CLIP1: variants seen among roughly 807,000 people sequenced by gnomAD.
CLIP1 encodes CAP-Gly domain-containing linker protein 1.
A neutral mutation model predicts 161.6 loss-of-function variants in CLIP1; 66 were observed. The ratio of observed to expected loss-of-function variants is 0.41; its 90% confidence interval spans 0.33 to 0.50. The LOEUF (loss-of-function observed/expected upper bound fraction) is 0.50, where lower values mean the gene tolerates loss of function less well. Ranked by LOEUF, CLIP1 falls within the 20% of genes least tolerant of loss-of-function variation. CLIP1 has a pLI of 0.27. For synonymous variants in CLIP1, 598 were observed against 626.2 expected, an observed-to-expected ratio of 0.96 and a Z score of 0.67; for missense variants, 1,376 against 1,702.0, an observed-to-expected ratio of 0.81 and a Z score of 3.37.
At chr12:122,339,468 G>C (rs1461412704) in intron 11 of CLIP1, among the ~76,000 whole-genome samples, 1 of 152,074 alleles carries the variant, frequency 6.6e-6, no homozygotes, top group Non-Finnish European at 1.5e-5. Context: ...CTCCTGAGTA[G>C]CTGGGACTAC....
chr12:122,314,299 A>G (rs1173781471), intron 19 of CLIP1, among the ~76,000 whole-genome samples: 1 of 151,428 alleles, frequency 6.6e-6, no homozygotes, highest in East Asian at 1.9e-4. Flanking sequence ...TCAAAAAAAA[A>G]AAAAAAAAAA....
intron 1 of CLIP1, among the ~76,000 whole-genome samples, chr12:122,391,878 T>TTA (rs1162269288): frequency 2.0e-5 from 3 of 152,214 alleles, no homozygotes; most frequent in Non-Finnish European, 4.4e-5. Flanking sequence ...ATCACAAATG[T>TTA]TAGTTGTATC....
chr12:122,279,154 C>T lies in CLIP1; in HGVS notation c.3648-9G>A. On this transcript the variant is annotated splice_polypyrimidine_tract_variant and intron_variant, in intron 21 of 25. Transcript: ENST00000620786. The surrounding 1 kb of genome is among the most constrained non-coding windows in gnomAD (Gnocchi z 4.5). ...TTATGAACTTGGATTCTCTAAAAGA[C>T]CAAAGAGTTAAAAGTTCCACAAATC... The T allele has an allele frequency of 6.3e-7, 1 of 1,587,126 alleles. No individual in the cohort carries two copies. Among genetic ancestry groups the T allele is most frequent in the Non-Finnish European group, 8.6e-7 (1 of 1,161,162 alleles).
intron 1 of CLIP1, among the ~76,000 whole-genome samples, chr12:122,405,839 C>A (rs947768418): frequency 2.0e-5 from 3 of 151,692 alleles, no homozygotes; most frequent in Non-Finnish European, 4.4e-5. Flanking sequence ...GAGGACAAGG[C>A]GAGCGGATCA....
intron 11 of CLIP1, 83 bp downstream of exon 11, chr12:122,340,670 G>A: frequency 8.8e-7 from 1 of 1,141,996 alleles, no homozygotes; most frequent in Non-Finnish European, 1.2e-6. Flanking sequence ...TTTGGAAGAT[G>A]AATGATCTCA....
intron 1 of CLIP1, among the ~76,000 whole-genome samples, chr12:122,411,441 CATGA>C (rs1291183805): frequency 6.6e-6 from 1 of 152,082 alleles, no homozygotes; most frequent in African/African-American, 2.4e-5. Context: ...AAAATTTATA[CATGA>C]ATGCTCACAG....
intron 12 of CLIP1, among the ~76,000 whole-genome samples, chr12:122,336,178 A>G (rs1952206917): frequency 6.6e-6 from 1 of 152,204 alleles, no homozygotes; most frequent in African/African-American, 2.4e-5. Flanking sequence ...GATTTATTTT[A>G]ATTTATTTAA....
intron 5 of CLIP1, among the ~76,000 whole-genome samples, chr12:122,358,029 G>C (rs1387842819): frequency 6.6e-6 from 1 of 152,224 alleles, no homozygotes; most frequent in Non-Finnish European, 1.5e-5. Flanking sequence ...TTGAGAAATC[G>C]AATGGTTGCC....
chr12:122,294,787 C>T (rs1950406015), intron 20 of CLIP1, among the ~76,000 whole-genome samples: 3 of 151,182 alleles, frequency 2.0e-5, no homozygotes, highest in African/African-American at 7.3e-5. Flanking sequence ...CAGTGCCTCA[C>T]GTCTGTAATC....
At chr12:122,417,400 A>G (rs1236815403) in intron 1 of CLIP1, among the ~76,000 whole-genome samples, 2 of 152,272 alleles carry the variant, frequency 1.3e-5, no homozygotes, top group African/African-American at 4.8e-5. Context: ...CAGGAGTCCA[A>G]GGCTATAGTG....
At chr12:122,411,047 G>C (rs993351257) in intron 1 of CLIP1, among the ~76,000 whole-genome samples, 3 of 152,128 alleles carry the variant, frequency 2.0e-5, no homozygotes, top group African/African-American at 7.2e-5. Context: ...GGTAGAGTTC[G>C]CATATGACCC....
intron 20 of CLIP1, among the ~76,000 whole-genome samples, chr12:122,294,306 G>A (rs1201906504): frequency 7.9e-6 from 1 of 127,216 alleles, no homozygotes; most frequent in African/African-American, 2.9e-5. Context: ...TCCAGCCTGG[G>A]TAAGAGTGCA....
rs776978350 is a variant in CLIP1 at position 122,355,387 on chromosome 12, C to T, written c.1006-75G>A. 35 of 1,367,916 alleles carry T rather than the reference C, an allele frequency of 2.6e-5. No individual in the cohort carries two copies. Among genetic ancestry groups the T allele is most frequent in the African/African-American group, 7.2e-5 (5 of 69,870 alleles). The allele number at this position is 1,367,916 out of a possible 1,614,324, so 84.7% of individuals were successfully genotyped here. ...CGAGGGAGGCGCGATGCATGCATGG[C>T]GGGCATCTGCTCGGCAAAGCAAGGG... On this transcript the variant is annotated intron_variant, in intron 5 of 25. Transcript: ENST00000620786. This position sits in a 1 kb window ranked among gnomAD's most constrained non-coding sequence, Gnocchi z 4.1.
At chr12:122,274,938 G>A (rs148403713) in intron 24 of CLIP1, 3,842 of 152,266 alleles carry the variant, frequency 0.025, 85 homozygotes, top group South Asian at 0.045. Flanking sequence ...TGCGACCTCT[G>A]CCTCCCGGGT....
chr12:122,337,862 A>G (rs1157227900), intron 11 of CLIP1, among the ~76,000 whole-genome samples: 1 of 151,960 alleles, frequency 6.6e-6, no homozygotes. Flanking sequence ...AAAAATATAA[A>G]AAATTAGCCA....
intron 15 of CLIP1, among the ~76,000 whole-genome samples, 172 bp downstream of exon 15, chr12:122,332,815 A>G (rs1227046554): frequency 1.3e-5 from 2 of 152,192 alleles, no homozygotes; most frequent in African/African-American, 4.8e-5. Context: ...GGTAAAATCC[A>G]TTTTAGAAGG....
chr12:122,355,731 A>C lies in CLIP1; in HGVS notation c.1006-419T>G, dbSNP rs541317331. 5.7e-6 allele frequency: 1 copy of C among 176,440 alleles called. No homozygotes were observed. Among genetic ancestry groups the C allele is most frequent in the East Asian group, 1.8e-4 (1 of 5,656 alleles). The allele number at this position is 176,440 out of a possible 1,614,324, so 10.9% of individuals were successfully genotyped here. On this transcript the variant is annotated intron_variant, in intron 5 of 25. Coordinates refer to ENST00000620786, the MANE Select transcript of CLIP1 (RefSeq NM_001247997.2). This position sits in a 1 kb window ranked among gnomAD's most constrained non-coding sequence, Gnocchi z 4.1. The stretch of plus-strand genomic sequence containing the variant: ...TGGATTCAAGTGATTCTCCTGCTTC[A>C]GCCTCCCAAGTAGCTGGGATCACAG...
intron 18 of CLIP1, among the ~76,000 whole-genome samples, chr12:122,317,612 C>T (rs1479093462): frequency 6.6e-6 from 1 of 152,168 alleles, no homozygotes; most frequent in Admixed American, 6.5e-5. Flanking sequence ...TCATGTGGGC[C>T]TCCATTCCTC....
intron 1 of CLIP1, among the ~76,000 whole-genome samples, chr12:122,390,279 C>CATATATATATATATATATATATATATAT (rs1179187571): frequency 1.3e-5 from 1 of 78,984 alleles, no homozygotes; most frequent in Non-Finnish European, 2.7e-5. Context: ...TATATATATA[C>CATATATATATATATATATATATATATAT]ATATATATAT....
Sources: gnomAD v4.1 joint callset for allele counts (sites outside exome capture counted in the v4.1 genomes callset) on GRCh38, gnomAD v4.1.1 for gene constraint, Gnocchi (gnomAD v3.1) non-coding constraint, MANE v1.5 for transcripts, NCBI Gene and HGNC (gene_info 2026-07-23, HGNC 2026-07-21) for gene names.